The following DTWD2 variants were observed in gnomAD, a reference collection of about 807,000 sequenced individuals.
DTWD2 encodes the protein DTW motif tRNA-uridine aminocarboxypropyltransferase 2.
In DTWD2, 39 loss-of-function variants were observed where a neutral mutation model predicts 31.8. The observed-to-expected ratio is 1.22, with a 90% confidence interval of 0.95 to 1.60. DTWD2 has a LOEUF of 1.60. DTWD2 is among the 40% of genes most tolerant of loss of function. The pLI is 0.00. For synonymous variants in DTWD2, 180 were observed against 142.8 expected (o/e 1.26, Z -1.86); for missense variants, 515 against 381.5 (o/e 1.35, Z -2.92).
chr5:118,988,401 C>T lies in DTWD2; in HGVS notation c.111G>A (p.Val37=). 6.3e-7 allele frequency: 1 copy of T among 1,597,548 alleles called. No homozygotes were observed. The highest frequency in any genetic ancestry group is 1.1e-5 in the South Asian group (1 of 89,044). ...CTGCGCCCAGGGCAGCCGCCGCCGG[C>T]ACTGCGCCGCCCTCCCGCCGCTCCT... is the stretch of plus-strand genomic sequence containing the variant. ...NDKERREGGA[V]PAAAALGAEA... Residue 37 remains valine, a synonymous_variant, in exon 1 of 6, where the codon GTG becomes GTA. Transcript: ENST00000510708.
intron 4 of DTWD2, among the ~76,000 whole-genome samples, chr5:118,888,940 TG>T (rs1456143656): frequency 6.6e-6 from 1 of 152,226 alleles, no homozygotes; most frequent in Non-Finnish European, 1.5e-5. Flanking sequence ...GATTTTTAAC[TG>T]AGATGTTTAC....
intron 4 of DTWD2, among the ~76,000 whole-genome samples, chr5:118,924,200 G>C (rs1418971314): frequency 6.6e-6 from 1 of 152,222 alleles, no homozygotes; most frequent in Non-Finnish European, 1.5e-5. Context: ...TACTAAGCAT[G>C]TCATATCCTA....
rs937755742 is a variant in DTWD2 at position 118,981,262 on chromosome 5, C to A, written c.218+7032G>T. Among the ~76,000 whole-genome samples the A allele has an allele frequency of 7.2e-5, 11 of 152,150 alleles. No homozygotes were observed. The East Asian group carries it at 1.9e-3, about 27-fold the overall frequency. On this transcript the variant is annotated intron_variant, in intron 1 of 5. Coordinates refer to ENST00000510708, the MANE Select transcript of DTWD2 (RefSeq NM_173666.4). ...ATGATGAAAAGGTTTGGGGTTTATA[C>A]CATTTACATCGTGGTGATGGCTACA...
intron 4 of DTWD2, among the ~76,000 whole-genome samples, chr5:118,922,855 C>G (rs969429935): frequency 1.1e-4 from 16 of 152,114 alleles, no homozygotes; most frequent in African/African-American, 3.4e-4. Flanking sequence ...CCACCCCAAC[C>G]TCAATAAAAG....
At chr5:118,904,474 C>T (rs1753281577) in intron 4 of DTWD2, among the ~76,000 whole-genome samples, 1 of 151,952 alleles carries the variant, frequency 6.6e-6, no homozygotes, top group Non-Finnish European at 1.5e-5. Context: ...AACATGTGCA[C>T]GCACACACGT....
intron 5 of DTWD2, among the ~76,000 whole-genome samples, chr5:118,843,284 A>C (rs891868407): frequency 7.3e-5 from 11 of 150,980 alleles, no homozygotes; most frequent in African/African-American, 2.7e-4. Flanking sequence ...AAGAAAGAAA[A>C]GGAAGGAAGG....
intron 4 of DTWD2, among the ~76,000 whole-genome samples, chr5:118,861,322 A>T (rs949995418): frequency 7.2e-5 from 11 of 152,392 alleles, no homozygotes; most frequent in African/African-American, 2.6e-4. Context: ...CACTTAAAAG[A>T]TGTCCAAACT....
intron 1 of DTWD2, among the ~76,000 whole-genome samples, chr5:118,963,199 A>C (rs1009458702): frequency 6.6e-6 from 1 of 152,268 alleles, no homozygotes; most frequent in Non-Finnish European, 1.5e-5. Context: ...TAGAGAAAAA[A>C]GACAAAGTGA....
intron 4 of DTWD2, among the ~76,000 whole-genome samples, chr5:118,917,307 C>G (rs543201780): frequency 7.6e-4 from 116 of 152,216 alleles, no homozygotes; most frequent in Non-Finnish European, 1.4e-3. Context: ...AAGAGTAGCT[C>G]TAACAGGTGA....
chr5:118,925,674 T>A (rs1339820634), intron 4 of DTWD2, among the ~76,000 whole-genome samples: 2 of 151,546 alleles, frequency 1.3e-5, no homozygotes, highest in African/African-American at 4.9e-5. Context: ...TGAAACCCTG[T>A]CTCTACTAAA....
intron 1 of DTWD2, among the ~76,000 whole-genome samples, chr5:118,949,914 G>T (rs568940855): frequency 2.0e-5 from 3 of 152,278 alleles, no homozygotes; most frequent in Non-Finnish European, 4.4e-5. Flanking sequence ...GTGCACAAAA[G>T]AATATTGTCT....
intron 4 of DTWD2, among the ~76,000 whole-genome samples, chr5:118,925,934 GA>G (rs1017004229): frequency 6.6e-6 from 1 of 151,264 alleles, no homozygotes; most frequent in African/African-American, 2.4e-5. Flanking sequence ...GTCATTATAT[GA>G]AAAAAACACA....
intron 5 of DTWD2, 73 bp from the exon 6 acceptor site, chr5:118,841,160 G>C: frequency 1.3e-6 from 2 of 1,501,822 alleles, no homozygotes; most frequent in Non-Finnish European, 1.8e-6. Context: ...TTTTCATTCA[G>C]AAATAGGAGT....
At chr5:118,874,090 C>T (rs1020234398) in intron 4 of DTWD2, among the ~76,000 whole-genome samples, 1 of 152,178 alleles carries the variant, frequency 6.6e-6, no homozygotes, top group African/African-American at 2.4e-5. Context: ...GGGAGTTGAG[C>T]ATTGGCCCTG....
chr5:118,842,770 T>TAA (rs67399561), intron 5 of DTWD2, among the ~76,000 whole-genome samples: 2 of 141,920 alleles, frequency 1.4e-5, no homozygotes, highest in African/African-American at 5.1e-5. Flanking sequence ...CTGTTTCTAT[T>TAA]AAAAAAAAAA....
At chr5:118,925,321 G>A (rs1424559484) in intron 4 of DTWD2, among the ~76,000 whole-genome samples, 2 of 152,198 alleles carry the variant, frequency 1.3e-5, no homozygotes, top group East Asian at 1.9e-4. Flanking sequence ...AAAAGCAATA[G>A]TATGAATGTT....
chr5:118,917,827 T>C (rs910374633), intron 4 of DTWD2, among the ~76,000 whole-genome samples: 2 of 151,410 alleles, frequency 1.3e-5, no homozygotes, highest in Admixed American at 6.6e-5. Flanking sequence ...TAGCCAGGAG[T>C]AGTAGTGCGT....
chr5:118,851,560 G>A (rs1420762009), intron 4 of DTWD2, among the ~76,000 whole-genome samples: 1 of 151,872 alleles, frequency 6.6e-6, no homozygotes, highest in African/African-American at 2.4e-5. Context: ...ACAAAATCGG[G>A]AACTCCTGAT....
At chr5:118,947,489 G>T (rs1318804159) in intron 1 of DTWD2, among the ~76,000 whole-genome samples, 1 of 152,156 alleles carries the variant, frequency 6.6e-6, no homozygotes, top group East Asian at 1.9e-4. Context: ...TCCCTCTAAT[G>T]TCAAGCTGCT....
Sources: allele counts gnomAD v4.1 joint callset (sites outside exome capture counted in the v4.1 genomes callset), GRCh38; gene constraint gnomAD v4.1.1; transcripts MANE v1.5; gene names NCBI Gene and HGNC (gene_info 2026-07-23, HGNC 2026-07-21).